Variants in TTC6 observed in about 807,000 individuals in gnomAD.
The protein encoded by TTC6 is tetratricopeptide repeat domain 6, also known as tetratricopeptide repeat protein 6.
A neutral mutation model predicts 210.4 loss-of-function variants in TTC6; 172 were observed. The observed-to-expected ratio is 0.82, with a 90% confidence interval of 0.72 to 0.93. The LOEUF is 0.93. Among genes scored for constraint, TTC6 ranks in the 40% least tolerant of loss-of-function variants. The probability of loss-of-function intolerance (pLI) is 0.00; values close to 1 mark genes in which losing one functional copy is unlikely to be tolerated. For synonymous variants in TTC6, 804 were observed against 819.6 expected (o/e 0.98, Z 0.32); for missense variants, 2,414 against 2,318.1 (o/e 1.04, Z -0.85).
At chr14:37,617,072 C>T (rs999337995), upstream of TTC6, among the ~76,000 whole-genome samples, 1 of 151,920 alleles carries the variant, frequency 6.6e-6, no homozygotes, top group Non-Finnish European at 1.5e-5. Context: ...GACAGGGTCT[C>T]CTTATGTTGC....
At chr14:37,710,733 G>A (rs1046578450) in intron 5 of TTC6, among the ~76,000 whole-genome samples, 1 of 151,942 alleles carries the variant, frequency 6.6e-6, no homozygotes, top group Non-Finnish European at 1.5e-5. Context: ...CATTCCAAAG[G>A]CTCACTCTTT....
intron 1 of TTC6, among the ~76,000 whole-genome samples, chr14:37,659,991 C>G (rs978409331): frequency 1.3e-5 from 2 of 152,036 alleles, no homozygotes; most frequent in African/African-American, 4.8e-5. Context: ...CTTATAGATG[C>G]TACATATTAG....
At chr14:37,630,817 C>T (rs1358385325) in intron 1 of TTC6, among the ~76,000 whole-genome samples, 1 of 151,054 alleles carries the variant, frequency 6.6e-6, no homozygotes, top group Admixed American at 6.6e-5. Context: ...TTGCATTGAT[C>T]CCTTTACCAT....
chr14:37,790,526 C>A (rs1433952086), intron 15 of TTC6, among the ~76,000 whole-genome samples, 191 bp from the exon 18 acceptor site: 2 of 152,108 alleles, frequency 1.3e-5, no homozygotes, highest in Non-Finnish European at 2.9e-5. Flanking sequence ...CACATTGTTA[C>A]TAATAAATAC....
chr14:37,770,962 T>G (rs1428365978), intron 14 of TTC6, among the ~76,000 whole-genome samples: 1 of 132,608 alleles, frequency 7.5e-6, no homozygotes, highest in South Asian at 2.9e-4. Context: ...TTTCCATGTT[T>G]AGTGCTTCCT....
chr14:37,694,718 C>T (rs866607581), intron 3 of TTC6, among the ~76,000 whole-genome samples: 46 of 152,082 alleles, frequency 3.0e-4, no homozygotes, highest in Admixed American at 2.0e-4. Flanking sequence ...AAATGTGGTA[C>T]ATACACACGA....
chr14:37,732,885 G>A (rs1015883781), intron 7 of TTC6, among the ~76,000 whole-genome samples: 1 of 152,010 alleles, frequency 6.6e-6, no homozygotes, highest in African/African-American at 2.4e-5. Context: ...GACTTAAAGC[G>A]TGAGCCACCG....
At chr14:37,615,982 T>C (rs2095642049) in intron 2 of TTC6, among the ~76,000 whole-genome samples, 1 of 152,248 alleles carries the variant, frequency 6.6e-6, no homozygotes, top group Non-Finnish European at 1.5e-5. Context: ...TTTTGTCATG[T>C]AGAGTCTAGG....
At chr14:37,705,071 G>A (rs1422306864) in intron 5 of TTC6, among the ~76,000 whole-genome samples, 2 of 151,978 alleles carry the variant, frequency 1.3e-5, no homozygotes, top group East Asian at 1.9e-4. Context: ...ATACAGAGTT[G>A]GTGGCAAAAA....
intron 14 of TTC6, among the ~76,000 whole-genome samples, chr14:37,769,513 T>G (rs2096010886): frequency 6.6e-6 from 1 of 152,218 alleles, no homozygotes; most frequent in African/African-American, 2.4e-5. Context: ...ATTCAACTTC[T>G]TCCTGGTTTA....
intron 5 of TTC6, among the ~76,000 whole-genome samples, chr14:37,703,795 C>T (rs1416121103): frequency 6.6e-6 from 1 of 151,918 alleles, no homozygotes; most frequent in African/African-American, 2.4e-5. Context: ...ATACAAATAT[C>T]TTGTATTGGC....
At chr14:37,744,515 G>A (rs752374111) in intron 10 of TTC6, among the ~76,000 whole-genome samples, 29 of 152,180 alleles carry the variant, frequency 1.9e-4, no homozygotes, top group Non-Finnish European at 4.0e-4. Context: ...TTGGAGACAT[G>A]CTTTTTGCTT....
chr14:37,830,080 T>C (rs886650174), intron 29 of TTC6, among the ~76,000 whole-genome samples: 10 of 152,132 alleles, frequency 6.6e-5, no homozygotes, highest in Admixed American at 5.9e-4. Context: ...GAGTTTTGCA[T>C]GTTGATAGCT....
intron 14 of TTC6, among the ~76,000 whole-genome samples, chr14:37,778,040 G>A (rs565730690): frequency 6.6e-6 from 1 of 152,262 alleles, no homozygotes; most frequent in South Asian, 2.1e-4. Flanking sequence ...TTGATGGGTG[G>A]TGCCAGCCAA....
At chr14:37,750,729 A>G (rs1480972535) in intron 12 of TTC6, among the ~76,000 whole-genome samples, 1 of 152,088 alleles carries the variant, frequency 6.6e-6, no homozygotes, top group Non-Finnish European at 1.5e-5. Context: ...TCTATAAAAA[A>G]AAATACAAAA....
At chr14:37,737,310 G>T (rs2138930436) in intron 8 of TTC6, among the ~76,000 whole-genome samples, 1 of 152,190 alleles carries the variant, frequency 6.6e-6, no homozygotes, top group Middle Eastern at 3.4e-3. Context: ...GGGATTCATG[G>T]CTCAGCATAT....
rs143574213 is a variant in TTC6, at chr14:37,805,026, A to G, written c.4164+212A>G. 6.0e-3 allele frequency among the ~76,000 whole-genome samples: 916 copies of G among 152,314 alleles called. 7 individuals carry two copies. Among genetic ancestry groups the G allele is most frequent in the African/African-American group, 0.02 (842 of 41,558 alleles). ...TTTATTTGATGCTTGTTTGTCAACAATATTCTAAAGATTAATATGCGTTTC... is the reference window on the plus strand; with the variant it reads ...TTTATTTGATGCTTGTTTGTCAACAGTATTCTAAAGATTAATATGCGTTTC... On this transcript the variant is annotated intron_variant, in intron 21 of 30. Transcript: ENST00000553443.
In TTC6 at chr14:37,725,308, GTGTGTATATATATATATATATATATA is replaced by G. The variant is rs1296947428; in HGVS notation, c.1818+308_1818+333del. Among the ~76,000 whole-genome samples, 62 of 73,398 alleles carry G rather than the reference GTGTGTATATATATATATATATATATA, an allele frequency of 8.4e-4. 2 individuals are homozygous for G. The highest frequency in any genetic ancestry group is 7.4e-3 in the Middle Eastern group (1 of 136). The allele number at this position is 73,398 out of a possible 152,430, so 48.2% of individuals were successfully genotyped here. ...TTTATATATGTATGTATGTGTGTGTGTGTGTATATATATATATATATATATATATATATATATATATATATATATAA... is the reference window on the plus strand; with the variant it reads ...TTTATATATGTATGTATGTGTGTGTGTATATATATATATATATATATATAA... On this transcript the variant is annotated intron_variant, in intron 7 of 30. Transcript: ENST00000553443.
At chr14:37,711,534 A>G (rs889793467) in intron 5 of TTC6, among the ~76,000 whole-genome samples, 1 of 152,034 alleles carries the variant, frequency 6.6e-6, no homozygotes, top group Non-Finnish European at 1.5e-5. Flanking sequence ...TGTTTCCCCT[A>G]TTGCTCCTGG....
Sources: allele counts gnomAD v4.1 joint callset (sites outside exome capture counted in the v4.1 genomes callset), GRCh38; gene constraint gnomAD v4.1.1; transcripts MANE v1.5; gene names NCBI Gene and HGNC (gene_info 2026-07-23, HGNC 2026-07-21).